RAP1A: variants seen among roughly 807,000 people sequenced by gnomAD.
RAP1A encodes ras-related protein Rap-1A.
A neutral mutation model predicts 26.4 loss-of-function variants in RAP1A; 6 were observed. That is an observed-to-expected ratio of 0.23 (90% CI 0.12 to 0.45). The LOEUF (loss-of-function observed/expected upper bound fraction) is 0.45, where lower values mean the gene tolerates loss of function less well. Ranked by LOEUF, RAP1A falls within the 20% of genes least tolerant of loss-of-function variation. The pLI is 0.99. For synonymous variants in RAP1A, 73 were observed against 79.4 expected, an observed-to-expected ratio of 0.92 and a Z score of 0.43; for missense variants, 121 against 217.2, an observed-to-expected ratio of 0.56 and a Z score of 2.78.
At chr1:111,677,231 A>C (rs1018619961) in intron 1 of RAP1A, among the ~76,000 whole-genome samples, 1 of 152,246 alleles carries the variant, frequency 6.6e-6, no homozygotes, top group African/African-American at 2.4e-5. Flanking sequence ...GTATTCCGTC[A>C]GTTGGATATA....
chr1:111,590,891 C>G (rs1658459905), intron 1 of RAP1A, among the ~76,000 whole-genome samples: 1 of 152,112 alleles, frequency 6.6e-6, no homozygotes, highest in Non-Finnish European at 1.5e-5. Flanking sequence ...CAAAATTCTG[C>G]CAGCACTATA....
At chr1:111,626,357 G>A (rs189052694) in intron 1 of RAP1A, among the ~76,000 whole-genome samples, 1 of 134,050 alleles carries the variant, frequency 7.5e-6, no homozygotes, top group African/African-American at 3.1e-5. Context: ...TAGCTTTTCT[G>A]CATATGTATA....
chr1:111,622,813 A>G (rs960500964), intron 1 of RAP1A, among the ~76,000 whole-genome samples: 2 of 152,208 alleles, frequency 1.3e-5, no homozygotes, highest in African/African-American at 4.8e-5. Flanking sequence ...TACAGAGATG[A>G]ATTAGACAGG....
intron 1 of RAP1A, among the ~76,000 whole-genome samples, chr1:111,630,010 C>G (rs1246095170): frequency 6.6e-6 from 1 of 152,168 alleles, no homozygotes. Context: ...CTGGCATTGC[C>G]ACTATGATGG....
intron 1 of RAP1A, among the ~76,000 whole-genome samples, chr1:111,586,701 C>A (rs1195361151): frequency 6.6e-6 from 1 of 152,118 alleles, no homozygotes; most frequent in Non-Finnish European, 1.5e-5. Flanking sequence ...CAAGCGTTCC[C>A]TAAATATTTG....
intron 1 of RAP1A, among the ~76,000 whole-genome samples, chr1:111,575,790 T>C (rs1479822342): frequency 6.6e-6 from 1 of 152,188 alleles, no homozygotes; most frequent in Non-Finnish European, 1.5e-5. Flanking sequence ...AAAATAAATT[T>C]CTGCTGTTTA....
intron 1 of RAP1A, among the ~76,000 whole-genome samples, chr1:111,670,178 A>G (rs1295018639): frequency 6.6e-6 from 1 of 152,136 alleles, no homozygotes; most frequent in African/African-American, 2.4e-5. Context: ...ATTAATTAGG[A>G]AAGAAAAATG....
intron 1 of RAP1A, among the ~76,000 whole-genome samples, chr1:111,587,793 G>C (rs886930192): frequency 4.6e-5 from 7 of 152,088 alleles, no homozygotes; most frequent in African/African-American, 1.7e-4. Context: ...TACCTGCACA[G>C]GGCTATCCTT....
intron 1 of RAP1A, among the ~76,000 whole-genome samples, chr1:111,561,023 T>C (rs1285265055): frequency 6.6e-6 from 1 of 152,224 alleles, no homozygotes; most frequent in African/African-American, 2.4e-5. Flanking sequence ...TTGCTTTGTG[T>C]CCAGCGAACA....
chr1:111,710,631 G>C (rs972672310), intron 7 of RAP1A, among the ~76,000 whole-genome samples: 2 of 152,104 alleles, frequency 1.3e-5, no homozygotes, highest in Admixed American at 6.6e-5. Flanking sequence ...ATTAACTACT[G>C]TGTGCTTCCT....
At chr1:111,651,970 G>GTATTTT (rs1453718964) in intron 1 of RAP1A, among the ~76,000 whole-genome samples, 1 of 150,502 alleles carries the variant, frequency 6.6e-6, no homozygotes, top group Non-Finnish European at 1.5e-5. Flanking sequence ...TTTAGTTCAA[G>GTATTTT]TATTTTTATT....
chr1:111,708,734 T>G (rs1335456658), intron 6 of RAP1A, among the ~76,000 whole-genome samples: 3 of 152,228 alleles, frequency 2.0e-5, no homozygotes, highest in Non-Finnish European at 4.4e-5. Flanking sequence ...ATAGTTAAGG[T>G]CTACTCTCAG....
At chr1:111,617,057 T>C (rs943751961), upstream of RAP1A, among the ~76,000 whole-genome samples, 1 of 152,088 alleles carries the variant, frequency 6.6e-6, no homozygotes, top group Non-Finnish European at 1.5e-5. Context: ...TGTGTGTGTG[T>C]TTGCGCATGT....
chr1:111,705,924 G>A lies in RAP1A; in HGVS notation c.468+1438G>A, dbSNP rs576954783. Among the ~76,000 whole-genome samples the A allele has an allele frequency of 2.0e-4, 31 of 152,272 alleles. 1 individual carries two copies. In the South Asian group the frequency reaches 6.4e-3, roughly 32 times the overall value. On this transcript the variant is annotated intron_variant, in intron 6 of 7. Transcript: ENST00000369709. ...CCAAGTTCATCAGACTCCAGGCTCC[G>A]GTGGGGCTGGGTTGGGCCTGAGTCC... is the stretch of plus-strand genomic sequence containing the variant.
chr1:111,664,632 C>T (rs11800525), intron 1 of RAP1A, among the ~76,000 whole-genome samples: 2,271 of 152,264 alleles, frequency 0.015, 55 homozygotes, highest in African/African-American at 0.053. Flanking sequence ...TGAAAAATCT[C>T]TTTTCTTTCC....
chr1:111,666,368 A>C (rs1354320900), intron 1 of RAP1A, among the ~76,000 whole-genome samples: 1 of 152,216 alleles, frequency 6.6e-6, no homozygotes, highest in Non-Finnish European at 1.5e-5. Flanking sequence ...GGTAACACTC[A>C]GCCATGCAAC....
chr1:111,550,717 A>C (rs1197747071), intron 1 of RAP1A, among the ~76,000 whole-genome samples: 2 of 151,940 alleles, frequency 1.3e-5, no homozygotes, highest in African/African-American at 2.4e-5. Flanking sequence ...CAGGCCTTGA[A>C]CTCCTAGGCT....
chr1:111,630,220 A>G (rs907699033), intron 1 of RAP1A, among the ~76,000 whole-genome samples: 1 of 152,226 alleles, frequency 6.6e-6, no homozygotes, highest in Non-Finnish European at 1.5e-5. Flanking sequence ...AACAAAATGA[A>G]GTGTACTGGT....
chr1:111,546,471 T>C (rs1571454601), intron 1 of RAP1A, among the ~76,000 whole-genome samples: 2 of 152,148 alleles, frequency 1.3e-5, no homozygotes, highest in Admixed American at 6.5e-5. Context: ...CCTTTCTGTC[T>C]CTGTGAATTG....
Sources: gnomAD v4.1 joint callset for allele counts (sites outside exome capture counted in the v4.1 genomes callset) on GRCh38, gnomAD v4.1.1 for gene constraint, MANE v1.5 for transcripts, NCBI Gene and HGNC (gene_info 2026-07-23, HGNC 2026-07-21) for gene names.